The following IPO7 variants were observed in gnomAD, a reference collection of about 807,000 sequenced individuals.
IPO7 encodes importin 7.
In IPO7, 13 loss-of-function variants were observed where a neutral mutation model predicts 136.4. The ratio of observed to expected loss-of-function variants is 0.10; its 90% confidence interval spans 0.06 to 0.15. The LOEUF (loss-of-function observed/expected upper bound fraction) is 0.15. Among genes scored for constraint, IPO7 ranks in the 10% least tolerant of loss-of-function variants. IPO7 has a pLI of 1.00. For missense variants in IPO7, 857 were observed against 1,240.6 expected, an observed-to-expected ratio of 0.69 and a Z score of 4.65; for synonymous variants, 403 against 404.4, an observed-to-expected ratio of 1.00 and a Z score of 0.04.
Position 9,429,861 on chromosome 11 carries a change from G to A in IPO7, c.1752+27G>A, listed in dbSNP as rs558878534. On this transcript the variant is annotated intron_variant, in intron 15 of 24. Transcript: ENST00000379719. ...TATGTTGTTTGAACCTACCATATTTGCAAGCATTTTAATGTAGCTCTCAGT... is the reference window on the plus strand; with the variant it reads ...TATGTTGTTTGAACCTACCATATTTACAAGCATTTTAATGTAGCTCTCAGT... 7.2e-6 allele frequency: 11 copies of A among 1,538,404 alleles called. No homozygotes were observed. In the African/African-American group the frequency reaches 1.4e-4, roughly 20 times the overall value.
At chr11:9,416,139 C>T (rs776041515) in intron 5 of IPO7, among the ~76,000 whole-genome samples, 1 of 152,142 alleles carries the variant, frequency 6.6e-6, no homozygotes. Flanking sequence ...TTCAAGGCTG[C>T]ACTCCATCCT....
chr11:9,433,969 G>C, intron 18 of IPO7, 123 bp downstream of exon 18: 1 of 964,316 alleles, frequency 1.0e-6, no homozygotes, highest in South Asian at 1.7e-5. Context: ...TGTTGCCCAG[G>C]CTGGAGTGCA....
At chr11:9,402,851 CA>C (rs570129815) in intron 1 of IPO7, 7,558 of 125,528 alleles carry the variant, frequency 0.06, 262 homozygotes, top group African/African-American at 0.12. Context: ...AAGACTGTCT[CA>C]AAAAAAAAAA....
chr11:9,429,849 C>T lies in IPO7; in HGVS notation c.1752+15C>T. 6.4e-7 allele frequency: 1 copy of T among 1,562,186 alleles called. No homozygotes were observed. The highest frequency in any genetic ancestry group is 8.7e-7 in the Non-Finnish European group (1 of 1,155,090). On this transcript the variant is annotated intron_variant, in intron 15 of 24. Transcript: ENST00000379719. ...CACAACATTTGGTATGTTGTTTGAACCTACCATATTTGCAAGCATTTTAAT... is the reference window on the plus strand; with the variant it reads ...CACAACATTTGGTATGTTGTTTGAATCTACCATATTTGCAAGCATTTTAAT...
intron 4 of IPO7, among the ~76,000 whole-genome samples, chr11:9,410,869 C>T (rs140908469): frequency 1.9e-4 from 29 of 152,322 alleles, no homozygotes; most frequent in Admixed American, 5.9e-4. Context: ...GTCTTAACAG[C>T]TACACAGATG....
chr11:9,392,852 G>C (rs969688057), intron 1 of IPO7, among the ~76,000 whole-genome samples: 2 of 151,656 alleles, frequency 1.3e-5, no homozygotes, highest in Non-Finnish European at 2.9e-5. Context: ...AGGAGGCTGA[G>C]GTATGAGAAC....
Position 9,423,052 on chromosome 11 carries a change from C to T in IPO7, c.953C>T (p.Ala318Val). 6.2e-7 allele frequency: 1 copy of T among 1,603,426 alleles called. No homozygotes were observed. The highest frequency in any genetic ancestry group is 1.1e-5 in the South Asian group (1 of 90,416). The change falls in exon 9 of 25, where the codon GCT becomes GTT. Residue 318 changes from alanine (A) to valine (V), a missense_variant. Coordinates refer to ENST00000379719, the MANE Select transcript of IPO7 (RefSeq NM_006391.3). ...LYQYKEKQYMAPRVLQQTLNY... is the reference protein window; with the variant it reads ...LYQYKEKQYMVPRVLQQTLNY... ...CAGTACAAGGAGAAGCAATATATGGCTCCTCGAGTTTTACAACAGACATTA... is the reference window on the plus strand; with the variant it reads ...CAGTACAAGGAGAAGCAATATATGGTTCCTCGAGTTTTACAACAGACATTA...
At chr11:9,420,545 A>T (rs2133747826) in intron 7 of IPO7, 40 bp downstream of exon 7, 1 of 1,570,022 alleles carries the variant, frequency 6.4e-7, no homozygotes, top group East Asian at 2.2e-5. Context: ...TTAATTTATT[A>T]AGGTTTTGCT....
chr11:9,414,619 C>CTTTTTTTTTTTTTTTTTTTTTT lies in IPO7; in HGVS notation c.636+214_636+235dup, dbSNP rs1164303193. On this transcript the variant is annotated intron_variant, in intron 5 of 24. Transcript: ENST00000379719. Reference sequence around the variant, plus strand: ...AAATACATAAACAACCCTAATGAATCTTTTTTTTTTTTTTTTTTTTTTTTT... The same window carrying CTTTTTTTTTTTTTTTTTTTTTT: ...AAATACATAAACAACCCTAATGAATCTTTTTTTTTTTTTTTTTTTTTTTTTTTTTTTTTTTTTTTTTTTTTTT... The CTTTTTTTTTTTTTTTTTTTTTT allele has an allele frequency of 7.0e-5, 5 of 71,068 alleles. 2 individuals carry two copies. Among genetic ancestry groups the CTTTTTTTTTTTTTTTTTTTTTT allele is most frequent in the Non-Finnish European group, 1.0e-4 (4 of 38,222 alleles). The allele number at this position is 71,068 out of a possible 1,614,324, so 4.4% of individuals were successfully genotyped here. A position where few individuals can be genotyped will look rare whatever the true frequency, so the allele number is the denominator to read the frequency against.
intron 1 of IPO7, among the ~76,000 whole-genome samples, chr11:9,396,039 T>C (rs1854703418): frequency 6.6e-6 from 1 of 152,094 alleles, no homozygotes; most frequent in Non-Finnish European, 1.5e-5. Flanking sequence ...TATGCTTTTT[T>C]TCATCCATTG....
rs73406212 is a variant in IPO7 at position 9,416,758 on chromosome 11, A to C, written c.637-301A>C. Among the ~76,000 whole-genome samples, 1,422 of 152,320 alleles carry C rather than the reference A, an allele frequency of 9.3e-3. 20 individuals carry two copies. The highest frequency in any genetic ancestry group is 0.031 in the African/African-American group (1,298 of 41,568). On this transcript the variant is annotated intron_variant, in intron 5 of 24. Coordinates refer to ENST00000379719, the MANE Select transcript of IPO7 (RefSeq NM_006391.3). ...AACCATGTCTGCTTTGAAAAAAATAAACAACTGTTAGAATCCTAGAACAGA... is the reference window on the plus strand; with the variant it reads ...AACCATGTCTGCTTTGAAAAAAATACACAACTGTTAGAATCCTAGAACAGA...
Position 9,423,866 on chromosome 11 carries a change from C to T in IPO7, c.1131C>T (p.Arg377=), listed in dbSNP as rs764173050. The change falls in exon 10 of 25, where the codon CGC becomes CGT. Residue 377 remains arginine, a synonymous_variant. Coordinates refer to ENST00000379719, the MANE Select transcript of IPO7 (RefSeq NM_006391.3). ...AAGAAGACCCTTACGAATATATACGCATGAAGTTTGGTAAGGAATTTTCAC... is the reference window on the plus strand; with the variant it reads ...AAGAAGACCCTTACGAATATATACGTATGAAGTTTGGTAAGGAATTTTCAC... The part of the protein sequence containing the change: ...LWQEDPYEYI[R]MKFDVFEDFI... 16 of 1,592,808 alleles carry T rather than the reference C, an allele frequency of 1.0e-5. No homozygotes were observed. Among genetic ancestry groups the T allele is most frequent in the Non-Finnish European group, 7.7e-6 (9 of 1,162,328 alleles).
At chr11:9,393,767 A>C (rs909863387) in intron 1 of IPO7, among the ~76,000 whole-genome samples, 1 of 152,208 alleles carries the variant, frequency 6.6e-6, no homozygotes, top group Non-Finnish European at 1.5e-5. Context: ...AAATTTTTAG[A>C]AAAAAGAAAG....
At chr11:9,406,104 C>CTTTTTTT (rs71062847) in intron 2 of IPO7, among the ~76,000 whole-genome samples, 7 of 61,838 alleles carry the variant, frequency 1.1e-4, no homozygotes, top group Admixed American at 3.1e-4. Flanking sequence ...TGAGGCTGGT[C>CTTTTTTT]TTTTTTTTTT....
Position 9,438,063 on chromosome 11 carries a change from T to TG in IPO7, c.2490-17_2490-16insG. 9 of 1,126,964 alleles carry TG rather than the reference T, an allele frequency of 8.0e-6. No individual in the cohort carries two copies. The highest frequency in any genetic ancestry group is 1.1e-5 in the Non-Finnish European group (9 of 828,432). 69.8% of individuals were successfully genotyped at this position (1,126,964 alleles called of 1,614,324 possible). On this transcript the variant is annotated splice_polypyrimidine_tract_variant and intron_variant, in intron 21 of 24. Coordinates refer to ENST00000379719, the MANE Select transcript of IPO7 (RefSeq NM_006391.3). Reference sequence around the variant, plus strand: ...GAAAACAGTTTTTTTTTTTTTTTTTTTTTTTTTTTTTTTTAGGCTTCATGA... The same window carrying TG: ...GAAAACAGTTTTTTTTTTTTTTTTTTGTTTTTTTTTTTTTTAGGCTTCATGA...
intron 8 of IPO7, among the ~76,000 whole-genome samples, chr11:9,422,797 A>T (rs1220655996): frequency 6.6e-6 from 1 of 152,180 alleles, no homozygotes; most frequent in Non-Finnish European, 1.5e-5. Context: ...ACAACAACAA[A>T]AAAAACCCCA....
intron 13 of IPO7, 113 bp from the exon 14 acceptor site, chr11:9,428,918 A>C: frequency 1.1e-6 from 1 of 928,524 alleles, no homozygotes; most frequent in East Asian, 2.4e-5. Context: ...CTCTGGACAC[A>C]TCTACCACTG....
chr11:9,418,836 C>T (rs1215431567), intron 6 of IPO7, among the ~76,000 whole-genome samples: 1 of 152,142 alleles, frequency 6.6e-6, no homozygotes, highest in Non-Finnish European at 1.5e-5. Flanking sequence ...ATCTCATTCC[C>T]GGCACAATAG....
intron 20 of IPO7, among the ~76,000 whole-genome samples, chr11:9,437,549 C>T (rs558468924): frequency 2.3e-4 from 35 of 152,314 alleles, no homozygotes; most frequent in African/African-American, 5.8e-4. Flanking sequence ...CCACCACTCC[C>T]GGCCCGTCGT....
Sources: allele counts gnomAD v4.1 joint callset (sites outside exome capture counted in the v4.1 genomes callset), GRCh38; gene constraint gnomAD v4.1.1; transcripts MANE v1.5; gene names NCBI Gene and HGNC (gene_info 2026-07-23, HGNC 2026-07-21).